The following KRT222 variants were observed in gnomAD, a reference collection of about 807,000 sequenced individuals.
KRT222 encodes the protein keratin 222.
KRT222 carries 23 observed loss-of-function variants against 35.0 expected under a neutral mutation model. That is an observed-to-expected ratio of 0.66 (90% CI 0.47 to 0.93). KRT222 has a LOEUF of 0.93. Among genes scored for constraint, KRT222 ranks in the 40% least tolerant of loss-of-function variants. The pLI is 0.00. For synonymous variants in KRT222, 108 were observed against 118.8 expected, an observed-to-expected ratio of 0.91 and a Z score of 0.59; for missense variants, 339 against 346.3, an observed-to-expected ratio of 0.98 and a Z score of 0.17.
At position 40,654,998 on chromosome 17, in the gene KRT222, TG is replaced by T. The variant is rs1331420556; in HGVS notation, c.*1403del. 2 of 145,762 alleles carry T rather than the reference TG, an allele frequency of 1.4e-5. No individual in the cohort carries two copies. Among genetic ancestry groups the T allele is most frequent in the African/African-American group, 5.0e-5 (2 of 39,772 alleles). The allele number at this position is 145,762 out of a possible 1,614,324, so 9.0% of individuals were successfully genotyped here. ...AAGATTATTTAACATAATATTTTCC[TG>T]GTTAAAACATACATTTTTCTGGTTG... On this transcript the variant is annotated 3_prime_UTR_variant, in exon 6 of 6. Coordinates refer to ENST00000394052, the MANE Select transcript of KRT222 (RefSeq NM_152349.3).
In KRT222 at chr17:40,660,076, A is replaced by T; in HGVS notation, c.357T>A (p.Leu119=). The change falls in exon 3 of 6, where the codon CTT becomes CTA. Residue 119 remains leucine, a synonymous_variant. Transcript: ENST00000394052. ...QEVRRGIEKQ[L]QEHEMLLNTK... ...TGTTGAGAAGCATCTCGTGCTCTTG[A>T]AGCTGCTTTTCGATGCCGCGCCTTA... 2 of 1,614,054 alleles carry T rather than the reference A, an allele frequency of 1.2e-6. No individual in the cohort carries two copies. The highest frequency in any genetic ancestry group is 1.7e-6 in the Non-Finnish European group (2 of 1,180,012).
chr17:40,661,200 T>C (rs2037381748), intron 2 of KRT222, among the ~76,000 whole-genome samples: 1 of 152,068 alleles, frequency 6.6e-6, no homozygotes. Flanking sequence ...TCCAAAGTGC[T>C]AGGATTACAG....
rs1179776996 is a variant in KRT222, at chr17:40,665,145, A to G, written c.-46T>C. 1.3e-6 allele frequency: 2 copies of G among 1,575,282 alleles called. No homozygotes were observed. The highest frequency in any genetic ancestry group is 1.3e-5 in the African/African-American group (1 of 74,114). On this transcript the variant is annotated 5_prime_UTR_variant, in exon 1 of 6. Coordinates refer to ENST00000394052, the MANE Select transcript of KRT222 (RefSeq NM_152349.3). ...TGGCTAACTGAACCTTATCGATAGG[A>G]TGAGTCGCTGCGGCAGTCTGCTCGG... is the stretch of plus-strand genomic sequence containing the variant.
chr17:40,658,775 T>C (rs1214140648), intron 3 of KRT222, among the ~76,000 whole-genome samples: 1 of 152,196 alleles, frequency 6.6e-6, no homozygotes, highest in African/African-American at 2.4e-5. Flanking sequence ...CAAGCAAGAA[T>C]AAAGATTTTT....
At position 40,662,021 on chromosome 17, in the gene KRT222, T is replaced by G; in HGVS notation, c.120A>C (p.Lys40Asn). 1 of 1,614,036 alleles carries G rather than the reference T, an allele frequency of 6.2e-7. No homozygotes were observed. Among genetic ancestry groups the G allele is most frequent in the Non-Finnish European group, 8.5e-7 (1 of 1,180,006 alleles). ...TCAAAGCCTCTTCATCTTTGTCCAT[T>G]TTTTTGCTTATGTCTTCTTCTAGCT... is the stretch of plus-strand genomic sequence containing the variant. Reference protein sequence around the residue: ...RIQLEEDISKKMDKDEEALKA... With the variant: ...RIQLEEDISKNMDKDEEALKA... The change falls in exon 2 of 6, where the codon AAA (lysine) becomes AAC (asparagine). Residue 40 changes from lysine (K) to asparagine (N), a missense_variant. Coordinates refer to ENST00000394052, the MANE Select transcript of KRT222 (RefSeq NM_152349.3).
Position 40,654,802 on chromosome 17 carries a change from G to T in KRT222, c.*1600C>A, listed in dbSNP as rs978736351. On this transcript the variant is annotated 3_prime_UTR_variant, in exon 6 of 6. Coordinates refer to ENST00000394052, the MANE Select transcript of KRT222 (RefSeq NM_152349.3). ...CAATATCAAATGAAACATTTTTTAT[G>T]TATAGGATGTATTTTAGGTCAGATG... 2 of 151,666 alleles carry T rather than the reference G, an allele frequency of 1.3e-5. No homozygotes were observed. The highest frequency in any genetic ancestry group is 2.9e-5 in the Non-Finnish European group (2 of 67,894). 9.4% of individuals were successfully genotyped at this position (151,666 alleles called of 1,614,324 possible).
chr17:40,661,763 G>T (rs1438077500), intron 2 of KRT222, among the ~76,000 whole-genome samples, 153 bp downstream of exon 2: 1 of 152,216 alleles, frequency 6.6e-6, no homozygotes, highest in African/African-American at 2.4e-5. Context: ...AATGGAGGGA[G>T]GGGTGAGTAA....
intron 2 of KRT222, among the ~76,000 whole-genome samples, chr17:40,660,818 A>G (rs907987318): frequency 6.6e-6 from 1 of 152,076 alleles, no homozygotes; most frequent in South Asian, 2.1e-4. Flanking sequence ...TGATTTTTAA[A>G]TTATTGAAAG....
intron 2 of KRT222, among the ~76,000 whole-genome samples, chr17:40,660,765 A>T (rs2037378633): frequency 6.6e-6 from 1 of 151,432 alleles, no homozygotes; most frequent in Admixed American, 6.6e-5. Flanking sequence ...CTGAAAAAAA[A>T]ATCCTCTGCA....
rs2037341907 is a variant in KRT222, at chr17:40,656,105, GAAGTTTC to G, written c.*290_*296del. On this transcript the variant is annotated 3_prime_UTR_variant, in exon 6 of 6. Transcript: ENST00000394052. Reference sequence around the variant, plus strand: ...CAGGTTAATGCTTACAGTCTCTGATGAAGTTTCAAGGGAAAAAGAAGACTATTGGGAG... The same window carrying G: ...CAGGTTAATGCTTACAGTCTCTGATGAAGGGAAAAAGAAGACTATTGGGAG... The G allele has an allele frequency of 4.3e-6, 1 of 231,764 alleles. No individual in the cohort carries two copies. Among genetic ancestry groups the G allele is most frequent in the Admixed American group, 5.2e-5 (1 of 19,202 alleles). The allele number at this position is 231,764 out of a possible 1,614,324, so 14.4% of individuals were successfully genotyped here.
intron 3 of KRT222, 69 bp from the exon 4 acceptor site, chr17:40,657,819 A>G (rs1285705298): frequency 3.8e-6 from 4 of 1,058,534 alleles, no homozygotes; most frequent in Non-Finnish European, 5.8e-6. Flanking sequence ...AAACAGGAGA[A>G]TGGATAAATC....
chr17:40,659,316 C>T (rs1488770344), intron 3 of KRT222, among the ~76,000 whole-genome samples: 4 of 151,584 alleles, frequency 2.6e-5, no homozygotes, highest in Non-Finnish European at 5.9e-5. Flanking sequence ...CCACCATGCC[C>T]GGCTAATTTT....
At chr17:40,658,202 T>A (rs895489411) in intron 3 of KRT222, among the ~76,000 whole-genome samples, 1 of 151,886 alleles carries the variant, frequency 6.6e-6, no homozygotes, top group African/African-American at 2.4e-5. Context: ...GAGGTGGTCA[T>A]TATATTTTTT....
chr17:40,663,986 T>C (rs897672822), intron 1 of KRT222, among the ~76,000 whole-genome samples: 1 of 152,214 alleles, frequency 6.6e-6, no homozygotes, highest in Non-Finnish European at 1.5e-5. Flanking sequence ...TTGATCATTC[T>C]TTATGAAGGC....
rs1037819919 is a variant in KRT222 at position 40,657,257 on chromosome 17, C to T, written c.659+95G>A. Reference sequence around the variant, plus strand: ...AGTATACTAAAACTATGTTTGGAAACATTTAAACAAAGAAGAGTAATTACT... The same window carrying T: ...AGTATACTAAAACTATGTTTGGAAATATTTAAACAAAGAAGAGTAATTACT... On this transcript the variant is annotated intron_variant, in intron 5 of 5. Transcript: ENST00000394052. 5 of 737,498 alleles carry T rather than the reference C, an allele frequency of 6.8e-6. 1 individual carries two copies. Among genetic ancestry groups the T allele is most frequent in the Non-Finnish European group, 9.6e-6 (5 of 518,480 alleles). 45.7% of individuals were successfully genotyped at this position (737,498 alleles called of 1,614,324 possible). A position where few individuals can be genotyped will look rare whatever the true frequency, so the allele number is the denominator to read the frequency against.
At chr17:40,661,790 G>T (rs1346433304) in intron 2 of KRT222, 126 bp downstream of exon 2, 1 of 1,198,432 alleles carries the variant, frequency 8.3e-7, no homozygotes, top group Non-Finnish European at 1.2e-6. Flanking sequence ...TAGGATCAGG[G>T]ATAGAATTCA....
Position 40,657,487 on chromosome 17 carries a change from G to A in KRT222, c.524C>T (p.Ala175Val), listed in dbSNP as rs1454575982. Residue 175 changes from alanine to valine, a missense_variant and splice_region_variant, in exon 5 of 6, where the codon GCC becomes GTC. By Grantham distance (64) the Ala-to-Val change is moderately conservative (BLOSUM62 0). Coordinates refer to ENST00000394052, the MANE Select transcript of KRT222 (RefSeq NM_152349.3). ...AGTAAAAGATATTTCATTTATAATG[G>A]CTGTGAAAATATCATTTATGATATA... is the stretch of plus-strand genomic sequence containing the variant. ...TSRVGFVLPSAIINEISFTTK... is the reference protein window; with the variant it reads ...TSRVGFVLPSVIINEISFTTK... 1 of 1,583,098 alleles carries A rather than the reference G, an allele frequency of 6.3e-7. No homozygotes were observed. The highest frequency in any genetic ancestry group is 8.6e-7 in the Non-Finnish European group (1 of 1,158,838).
intron 2 of KRT222, 77 bp from the exon 3 acceptor site, chr17:40,660,284 CT>C (rs35466162): frequency 0.28 from 244,422 of 887,218 alleles, 6,876 homozygotes; most frequent in Admixed American, 0.39. Context: ...ATATCTTCAT[CT>C]TTTTTTTTTT....
Position 40,662,136 on chromosome 17 carries a change from A to G in KRT222, c.97-92T>C, listed in dbSNP as rs923749918. 22 of 1,498,936 alleles carry G rather than the reference A, an allele frequency of 1.5e-5. No homozygotes were observed. In the South Asian group the frequency reaches 1.9e-4, roughly 13 times the overall value. The allele number at this position is 1,498,936 out of a possible 1,614,324, so 92.9% of individuals were successfully genotyped here. A position where few individuals can be genotyped will look rare whatever the true frequency, so the allele number is the denominator to read the frequency against. ...GTAAAAGCAATTATAGAAAAATTGTATAGGAATCAAAGCATTTTTCCTTAA... is the reference window on the plus strand; with the variant it reads ...GTAAAAGCAATTATAGAAAAATTGTGTAGGAATCAAAGCATTTTTCCTTAA... On this transcript the variant is annotated intron_variant, in intron 1 of 5. Coordinates refer to ENST00000394052, the MANE Select transcript of KRT222 (RefSeq NM_152349.3).
Sources: allele counts gnomAD v4.1 joint callset (sites outside exome capture counted in the v4.1 genomes callset), GRCh38; gene constraint gnomAD v4.1.1; transcripts MANE v1.5; gene names NCBI Gene and HGNC (gene_info 2026-07-23, HGNC 2026-07-21).